The following STPG1 variants were observed in gnomAD, a reference collection of about 807,000 sequenced individuals.
STPG1 encodes O(6)-methylguanine-induced apoptosis 2.
A neutral mutation model predicts 40.1 loss-of-function variants in STPG1; 33 were observed. The observed-to-expected ratio is 0.82, with a 90% CI of 0.62 to 1.10. The LOEUF (loss-of-function observed/expected upper bound fraction) is 1.10. Ranked by LOEUF, STPG1 falls within the 50% of genes least tolerant of loss-of-function variation. STPG1 has a pLI of 0.00. For synonymous variants in STPG1, 150 were observed against 155.0 expected (o/e 0.97, Z 0.24); for missense variants, 396 against 415.1 (o/e 0.95, Z 0.40).
rs950124716 is a variant in STPG1 at position 24,357,184 on chromosome 1, C to T, written c.*1359G>A. The T allele has an allele frequency of 5.3e-5, 8 of 152,152 alleles. No homozygotes were observed. Among genetic ancestry groups the T allele is most frequent in the African/African-American group, 1.9e-4 (8 of 41,416 alleles). 9.4% of individuals were successfully genotyped at this position (152,152 alleles called of 1,614,324 possible). On this transcript the variant is annotated 3_prime_UTR_variant, in exon 9 of 9. Transcript: ENST00000337248. ...CCTGTGGGAGGGACCCAGTGGGGCA[C>T]CCAGAGTTGCTCTGCCCAGGCGAGG... is the stretch of plus-strand genomic sequence containing the variant.
At chr1:24,411,740 T>C (rs1643670512) in intron 1 of STPG1, 2 of 152,226 alleles carry the variant, frequency 1.3e-5, no homozygotes, top group Non-Finnish European at 2.9e-5. Flanking sequence ...GTGCCTTACC[T>C]GGTTGGGTTT....
chr1:24,377,673 C>T (rs1642092744), intron 5 of STPG1, among the ~76,000 whole-genome samples: 1 of 152,162 alleles, frequency 6.6e-6, no homozygotes, highest in Admixed American at 6.5e-5. Flanking sequence ...TGTTTGTTTA[C>T]CTGTTCTTTT....
rs764038662 is a variant in STPG1 at position 24,383,938 on chromosome 1, T to C, written c.255A>G (p.Ser85=). 6.2e-7 allele frequency: 1 copy of C among 1,613,912 alleles called. No individual in the cohort carries two copies. The highest frequency in any genetic ancestry group is 8.5e-7 in the Non-Finnish European group (1 of 1,179,730). The change falls in exon 4 of 9, where the codon TCA becomes TCG. Residue 85 remains serine, a synonymous_variant. Transcript: ENST00000337248. ...ACATGCAAGTTCCTTTCTTGGACAA[T>C]GAGACACTGTTGGACACCGGTGACT... The part of the protein sequence containing the change: ...IHQSPVSNSV[S]LSKKGTCMFP...
chr1:24,391,865 AT>A (rs1455953665), intron 2 of STPG1, 186 bp from the exon 3 acceptor site: 26 of 1,327,620 alleles, frequency 2.0e-5, no homozygotes, highest in Non-Finnish European at 2.3e-5. Context: ...CCTCTCGGCA[AT>A]TTATCGGACT....
chr1:24,389,786 CA>C (rs1642683587), intron 3 of STPG1, among the ~76,000 whole-genome samples: 1 of 152,112 alleles, frequency 6.6e-6, no homozygotes, highest in South Asian at 2.1e-4. Flanking sequence ...AAGAGCCAAA[CA>C]GTTAAAACAG....
At chr1:24,388,212 C>A (rs1177035568) in intron 3 of STPG1, among the ~76,000 whole-genome samples, 1 of 152,082 alleles carries the variant, frequency 6.6e-6, no homozygotes, top group Non-Finnish European at 1.5e-5. Context: ...GAAGCAAAGA[C>A]ATTAAGTGGT....
chr1:24,381,359 T>C (rs1274477020), intron 4 of STPG1, among the ~76,000 whole-genome samples: 2 of 152,218 alleles, frequency 1.3e-5, no homozygotes, highest in African/African-American at 4.8e-5. Flanking sequence ...AGAATGTGGC[T>C]ACAGTAACAC....
chr1:24,380,241 C>A (rs1367812149), intron 4 of STPG1, among the ~76,000 whole-genome samples: 2 of 152,140 alleles, frequency 1.3e-5, no homozygotes, highest in Non-Finnish European at 2.9e-5. Flanking sequence ...ATGATCTGAA[C>A]TGCCTAAGCA....
chr1:24,377,686 G>A (rs1642093211), intron 5 of STPG1, among the ~76,000 whole-genome samples: 1 of 152,102 alleles, frequency 6.6e-6, no homozygotes, highest in Non-Finnish European at 1.5e-5. Context: ...GTTCTTTTCT[G>A]AATTCCCCAC....
At chr1:24,385,806 G>A (rs1196818172) in intron 3 of STPG1, among the ~76,000 whole-genome samples, 2 of 152,204 alleles carry the variant, frequency 1.3e-5, no homozygotes, top group African/African-American at 2.4e-5. Flanking sequence ...CACACGCTAA[G>A]TGATCTTGAG....
chr1:24,395,029 T>C (rs1642935895), intron 2 of STPG1, among the ~76,000 whole-genome samples: 1 of 151,934 alleles, frequency 6.6e-6, no homozygotes, highest in South Asian at 2.1e-4. Context: ...AGGCCAACCA[T>C]AATCAAATTG....
intron 5 of STPG1, among the ~76,000 whole-genome samples, chr1:24,374,555 A>G (rs1358077343): frequency 1.3e-4 from 19 of 145,868 alleles, no homozygotes; most frequent in Non-Finnish European, 1.7e-4. Context: ...CACTGCGCCC[A>G]GCCGGAAAGT....
Position 24,373,757 on chromosome 1 carries a change from A to G in STPG1, c.516T>C (p.Phe172=), listed in dbSNP as rs1224011732. Residue 172 remains phenylalanine (F), a synonymous_variant, in exon 6 of 9, where the codon TTT becomes TTC. Transcript: ENST00000337248. ...QRNNVCTRAG[F]MSKTQRGSFA... ...AAGATCCTCTTTGGGTTTTTGACAT[A>G]AACCCGGCTCGAGTACAGACGTTGT... is the stretch of plus-strand genomic sequence containing the variant. 1 of 1,613,002 alleles carries G rather than the reference A, an allele frequency of 6.2e-7. No individual in the cohort carries two copies. Among genetic ancestry groups the G allele is most frequent in the East Asian group, 2.2e-5 (1 of 44,850 alleles).
chr1:24,401,443 G>T lies in STPG1; in HGVS notation c.-55C>A. On this transcript the variant is annotated 5_prime_UTR_variant, in exon 2 of 9. Transcript: ENST00000337248. ...TGTTTGATGAAAAGTTCTACTGCATGTTCTCCTAAGCACCTGAAACAGCAA... is the reference window on the plus strand; with the variant it reads ...TGTTTGATGAAAAGTTCTACTGCATTTTCTCCTAAGCACCTGAAACAGCAA... 2 of 1,490,418 alleles carry T rather than the reference G, an allele frequency of 1.3e-6. No individual in the cohort carries two copies. The highest frequency in any genetic ancestry group is 1.9e-6 in the Non-Finnish European group (2 of 1,071,014). The allele number at this position is 1,490,418 out of a possible 1,614,324, so 92.3% of individuals were successfully genotyped here.
In STPG1 at chr1:24,391,542, C is replaced by T. The variant is rs913070575; in HGVS notation, c.189+19G>A. 2.8e-6 allele frequency: 4 copies of T among 1,428,820 alleles called. No individual in the cohort carries two copies. Among genetic ancestry groups the T allele is most frequent in the South Asian group, 1.2e-5 (1 of 80,876 alleles). 88.5% of individuals were successfully genotyped at this position (1,428,820 alleles called of 1,614,324 possible). Reference sequence around the variant, plus strand: ...AAATCCAGACTAAAACGAAAGAACCCCTGAGACAACGTCATTACCTTCTTA... The same window carrying T: ...AAATCCAGACTAAAACGAAAGAACCTCTGAGACAACGTCATTACCTTCTTA... On this transcript the variant is annotated intron_variant, in intron 3 of 8. Coordinates refer to ENST00000337248, the MANE Select transcript of STPG1 (RefSeq NM_001199013.2).
chr1:24,373,600 CT>C, intron 6 of STPG1, 101 bp downstream of exon 6: 1 of 807,996 alleles, frequency 1.2e-6, no homozygotes, highest in Non-Finnish European at 2.1e-6. Context: ...CACCCAAAGA[CT>C]AAATCCTTCC....
chr1:24,391,448 G>A (rs975130161), intron 3 of STPG1, 113 bp downstream of exon 3: 14 of 630,792 alleles, frequency 2.2e-5, no homozygotes, highest in Admixed American at 9.9e-5. Flanking sequence ...GCTCCTGGGA[G>A]CACACTGCCC....
chr1:24,358,643 G>C (rs1477742847), intron 8 of STPG1, 24 bp from the exon 9 acceptor site: 1 of 1,585,304 alleles, frequency 6.3e-7, no homozygotes, highest in East Asian at 2.2e-5. Flanking sequence ...GAGAGGCGGA[G>C]GCATTAAGAG....
intron 5 of STPG1, among the ~76,000 whole-genome samples, chr1:24,377,383 T>A (rs1472974758): frequency 6.6e-6 from 1 of 152,124 alleles, no homozygotes; most frequent in African/African-American, 2.4e-5. Flanking sequence ...CCGGTGTCTG[T>A]CTGGTGCCCC....
Sources: allele counts gnomAD v4.1 joint callset (sites outside exome capture counted in the v4.1 genomes callset), GRCh38; gene constraint gnomAD v4.1.1; transcripts MANE v1.5; gene names NCBI Gene and HGNC (gene_info 2026-07-23, HGNC 2026-07-21).